Variants in DNAAF5 observed in about 807,000 individuals in gnomAD.
The protein encoded by DNAAF5 is HEAT repeat containing 2.
A neutral mutation model predicts 75.8 loss-of-function variants in DNAAF5; 64 were observed. That is an observed-to-expected ratio of 0.84 (90% CI 0.69 to 1.04). The LOEUF (loss-of-function observed/expected upper bound fraction) is 1.04, where lower values mean the gene tolerates loss of function less well. DNAAF5 is among the 50% of genes least tolerant of loss of function. DNAAF5 has a pLI of 0.00. For missense variants in DNAAF5, 1,269 were observed against 1,178.5 expected (o/e 1.08, Z -1.12); for synonymous variants, 657 against 557.2 (o/e 1.18, Z -2.52).
chr7:785,727 C>T lies in DNAAF5; in HGVS notation c.*74C>T, dbSNP rs1190985523. On this transcript the variant is annotated 3_prime_UTR_variant, in exon 13 of 13. Coordinates refer to ENST00000297440, the MANE Select transcript of DNAAF5 (RefSeq NM_017802.4). The stretch of plus-strand genomic sequence containing the variant: ...GTTTGTGGCCTTTAAATCTCATAAA[C>T]AAGGCACCTCTGTGCCAGCAGTGAG... The T allele has an allele frequency of 6.5e-7, 1 of 1,541,498 alleles. No homozygotes were observed. Among genetic ancestry groups the T allele is most frequent in the East Asian group, 2.3e-5 (1 of 43,870 alleles).
At chr7:781,195 C>T (rs1249874583) in intron 12 of DNAAF5, among the ~76,000 whole-genome samples, 6 of 152,206 alleles carry the variant, frequency 3.9e-5, no homozygotes, top group Non-Finnish European at 7.3e-5. Flanking sequence ...CTCTTCCGAG[C>T]CTCTGGGAGC....
At chr7:781,459 C>T (rs185037897) in intron 12 of DNAAF5, among the ~76,000 whole-genome samples, 51 of 151,998 alleles carry the variant, frequency 3.4e-4, no homozygotes, top group East Asian at 3.1e-3. Flanking sequence ...CCTTGGCTGT[C>T]GGAACAGTGG....
chr7:761,271 G>T (rs1336119993), intron 6 of DNAAF5, among the ~76,000 whole-genome samples: 1 of 152,244 alleles, frequency 6.6e-6, no homozygotes, highest in Non-Finnish European at 1.5e-5. Flanking sequence ...TCCCTGCAAG[G>T]GCTCTCCCAT....
At chr7:760,406 C>T (rs1210314110) in intron 6 of DNAAF5, among the ~76,000 whole-genome samples, 7 of 152,146 alleles carry the variant, frequency 4.6e-5, no homozygotes, top group Non-Finnish European at 8.8e-5. Flanking sequence ...TGATAAATCA[C>T]GTGTTTAAAT....
At chr7:739,669 C>G (rs1373582244) in intron 2 of DNAAF5, among the ~76,000 whole-genome samples, 1 of 152,200 alleles carries the variant, frequency 6.6e-6, no homozygotes, top group Middle Eastern at 3.2e-3. Context: ...GTGAACTTGC[C>G]CTCCCCTCAC....
intron 8 of DNAAF5, 87 bp from the exon 9 acceptor site, chr7:770,384 G>T (rs901419742): frequency 1.9e-5 from 24 of 1,286,702 alleles, no homozygotes; most frequent in Non-Finnish European, 2.6e-5. Flanking sequence ...CTCCCAGGTG[G>T]GAGCGCCTGA....
chr7:761,398 C>T (rs1365572983), intron 6 of DNAAF5, among the ~76,000 whole-genome samples: 1 of 152,222 alleles, frequency 6.6e-6, no homozygotes, highest in African/African-American at 2.4e-5. Flanking sequence ...TAATAAAGAT[C>T]TACCACAGAC....
At chr7:761,581 CTT>C (rs1476329765) in intron 6 of DNAAF5, among the ~76,000 whole-genome samples, 170 bp from the exon 7 acceptor site, 1 of 152,226 alleles carries the variant, frequency 6.6e-6, no homozygotes, top group African/African-American at 2.4e-5. Context: ...TCTCGTGAGA[CTT>C]AATATCAAGA....
chr7:767,722 G>C (rs550646231), intron 8 of DNAAF5, among the ~76,000 whole-genome samples: 3 of 150,636 alleles, frequency 2.0e-5, no homozygotes, highest in African/African-American at 7.3e-5. Context: ...GGAAGTGTCC[G>C]TGCTGCGAGG....
intron 11 of DNAAF5, among the ~76,000 whole-genome samples, chr7:775,405 G>A (rs559939380): frequency 6.6e-6 from 1 of 152,184 alleles, no homozygotes; most frequent in Non-Finnish European, 1.5e-5. Context: ...AATTAGCCAG[G>A]GCTGGTGGCA....
chr7:741,090 C>T, intron 3 of DNAAF5, 147 bp downstream of exon 3: 1 of 999,762 alleles, frequency 1.0e-6, no homozygotes, highest in Non-Finnish European at 1.5e-6. Flanking sequence ...CAGAAGTCGT[C>T]TCGTTTTGTA....
At chr7:785,098 G>A (rs574229139) in intron 12 of DNAAF5, among the ~76,000 whole-genome samples, 7 of 151,656 alleles carry the variant, frequency 4.6e-5, no homozygotes, top group Non-Finnish European at 7.4e-5. Context: ...GCATCAGGTC[G>A]CTCGTGTCCA....
At chr7:747,202 T>C (rs1434231812) in intron 4 of DNAAF5, among the ~76,000 whole-genome samples, 1 of 152,250 alleles carries the variant, frequency 6.6e-6, no homozygotes, top group Non-Finnish European at 1.5e-5. Context: ...ACACACTGTT[T>C]TCCACACCCT....
intron 8 of DNAAF5, among the ~76,000 whole-genome samples, chr7:769,945 GTTTTGT>G (rs774429219): frequency 1.6e-4 from 24 of 151,902 alleles, no homozygotes; most frequent in Non-Finnish European, 1.8e-4. Context: ...CCACGTCCAG[GTTTTGT>G]TTTTGTTTTT....
chr7:783,174 G>A (rs1242523801), intron 12 of DNAAF5, among the ~76,000 whole-genome samples: 3 of 152,242 alleles, frequency 2.0e-5, no homozygotes, highest in Non-Finnish European at 4.4e-5. Flanking sequence ...TCCCGCGTCC[G>A]CACAGCCAGG....
chr7:783,412 A>C (rs939543857), intron 12 of DNAAF5, among the ~76,000 whole-genome samples: 1 of 152,160 alleles, frequency 6.6e-6, no homozygotes, highest in African/African-American at 2.4e-5. Context: ...AGTGACGGGC[A>C]GGCCGGGCAT....
At chr7:783,001 G>A (rs966955979) in intron 12 of DNAAF5, among the ~76,000 whole-genome samples, 1 of 152,286 alleles carries the variant, frequency 6.6e-6, no homozygotes, top group African/African-American at 2.4e-5. Flanking sequence ...TCCTGCGTGG[G>A]CACCAGGCTC....
chr7:773,686 C>A (rs992830343), intron 9 of DNAAF5, among the ~76,000 whole-genome samples: 5 of 152,174 alleles, frequency 3.3e-5, no homozygotes, highest in Non-Finnish European at 7.3e-5. Flanking sequence ...GCTGCCGACA[C>A]CACCGCACCT....
At chr7:762,532 G>A (rs1039643594) in intron 7 of DNAAF5, among the ~76,000 whole-genome samples, 3 of 151,876 alleles carry the variant, frequency 2.0e-5, no homozygotes, top group African/African-American at 7.3e-5. Context: ...ACTGAGTCGA[G>A]AGAAGATACC....
Sources: gnomAD v4.1 joint callset for allele counts (sites outside exome capture counted in the v4.1 genomes callset) on GRCh38, gnomAD v4.1.1 for gene constraint, MANE v1.5 for transcripts, NCBI Gene and HGNC (gene_info 2026-07-23, HGNC 2026-07-21) for gene names.